The following SPATA22 variants were observed in gnomAD, a reference collection of about 807,000 sequenced individuals.
The protein encoded by SPATA22 is spermatogenesis-associated protein 22.
Under a neutral mutation model 47.8 loss-of-function variants are expected in SPATA22, and 29 were observed. The ratio of observed to expected loss-of-function variants is 0.61; its 90% CI spans 0.45 to 0.83. The LOEUF is 0.83. Ranked by LOEUF, SPATA22 falls within the 40% of genes least tolerant of loss-of-function variation. The pLI is 0.00. For missense variants in SPATA22, 410 were observed against 421.7 expected (o/e 0.97, Z 0.24); for synonymous variants, 133 against 140.9 (o/e 0.94, Z 0.40).
chr17:3,513,709 T>C, exon 1 of SPATA22: 20 of 486,716 alleles, frequency 4.1e-5, no homozygotes. Flanking sequence ...GTTTGCCAAG[T>C]AACAAAATCC....
intron 1 of SPATA22, chr17:3,510,704 C>G (rs2074100652): frequency 6.6e-6 from 1 of 152,206 alleles, no homozygotes; most frequent in Admixed American, 6.5e-5. Flanking sequence ...TGTTTGGAAC[C>G]AAGATCACAG....
Position 3,446,618 on chromosome 17 carries a change from A to C in SPATA22, c.673-17T>G. On this transcript the variant is annotated splice_polypyrimidine_tract_variant and intron_variant, in intron 6 of 8. Transcript: ENST00000572969. The stretch of plus-strand genomic sequence containing the variant: ...TGAGGTTTCCTTTTGAAAAAATAAG[A>C]AACATAGTATTAGAAAAATATTTGT... 1 of 1,496,258 alleles carries C rather than the reference A, an allele frequency of 6.7e-7. No homozygotes were observed. The highest frequency in any genetic ancestry group is 9.0e-7 in the Non-Finnish European group (1 of 1,108,572). 92.7% of individuals were successfully genotyped at this position (1,496,258 alleles called of 1,614,324 possible). A position where few individuals can be genotyped will look rare whatever the true frequency, so the allele number is the denominator to read the frequency against.
At chr17:3,492,189 C>A (rs2150756545) in intron 1 of SPATA22, among the ~76,000 whole-genome samples, 1 of 152,284 alleles carries the variant, frequency 6.6e-6, no homozygotes, top group South Asian at 2.1e-4. Flanking sequence ...ACAGAAATTT[C>A]TTATTAAAAA....
chr17:3,447,419 C>A (rs774110474), intron 6 of SPATA22, among the ~76,000 whole-genome samples: 3 of 149,184 alleles, frequency 2.0e-5, no homozygotes, highest in Admixed American at 6.8e-5. Context: ...CCTCTTCCCC[C>A]GCTTAACGAA....
At chr17:3,503,202 G>GGAATGAAT (rs536159310) in intron 1 of SPATA22, 2 of 151,570 alleles carry the variant, frequency 1.3e-5, no homozygotes, top group African/African-American at 2.4e-5. Context: ...AACATTATCT[G>GGAATGAAT]GAATGAATGA....
upstream of SPATA22, chr17:3,476,201 T>G: frequency 6.2e-7 from 1 of 1,614,128 alleles, no homozygotes; most frequent in Non-Finnish European, 8.5e-7. Flanking sequence ...TACAAAAGGT[T>G]GCTATCTTTG....
chr17:3,469,101 T>G (rs934974936), intron 2 of SPATA22, among the ~76,000 whole-genome samples, 182 bp downstream of exon 2: 5 of 152,230 alleles, frequency 3.3e-5, no homozygotes, highest in African/African-American at 1.2e-4. Flanking sequence ...TTGATCTTAC[T>G]CCCACCTCTA....
chr17:3,481,736 T>C (rs2073633873), intron 1 of SPATA22: 5 of 1,613,552 alleles, frequency 3.1e-6, no homozygotes, highest in Non-Finnish European at 4.2e-6. Flanking sequence ...TAACATGGGG[T>C]GCACTCTTAT....
chr17:3,464,622 T>C (rs1362814081), intron 3 of SPATA22, among the ~76,000 whole-genome samples: 4 of 126,458 alleles, frequency 3.2e-5, no homozygotes, highest in Admixed American at 8.1e-5. Context: ...GGGAGCACCT[T>C]TGCCCCGCCG....
At chr17:3,506,506 A>G (rs1459668344) in intron 1 of SPATA22, among the ~76,000 whole-genome samples, 2 of 152,252 alleles carry the variant, frequency 1.3e-5, no homozygotes, top group African/African-American at 2.4e-5. Flanking sequence ...TTAGCTACAG[A>G]TAGACTAAAT....
intron 1 of SPATA22, among the ~76,000 whole-genome samples, chr17:3,496,877 T>C (rs181498560): frequency 1.8e-4 from 28 of 152,080 alleles, no homozygotes; most frequent in Admixed American, 1.2e-3. Context: ...CCATCCTGGC[T>C]AACACGGTGA....
intron 1 of SPATA22, among the ~76,000 whole-genome samples, chr17:3,478,195 AT>A (rs1287639100): frequency 2.2e-5 from 3 of 138,302 alleles, no homozygotes; most frequent in South Asian, 2.2e-4. Context: ...AAAAAAAAAA[AT>A]ATATATATAT....
chr17:3,467,786 C>A (rs2073348682), intron 2 of SPATA22, among the ~76,000 whole-genome samples: 1 of 152,106 alleles, frequency 6.6e-6, no homozygotes, highest in African/African-American at 2.4e-5. Context: ...TTAATTCCTC[C>A]CATATGGAAG....
rs1372305577 is a variant in SPATA22, at chr17:3,454,766, G to A, written c.330-5617C>T. Reference sequence around the variant, plus strand: ...ATAGTGCCGCAATAAACATGCGTGTGCATGTGTCTTTATAGCAGCATGATT... The same window carrying A: ...ATAGTGCCGCAATAAACATGCGTGTACATGTGTCTTTATAGCAGCATGATT... On this transcript the variant is annotated intron_variant, in intron 5 of 8. Transcript: ENST00000572969. Among the ~76,000 whole-genome samples the A allele has an allele frequency of 2.6e-5, 4 of 152,222 alleles. No individual in the cohort carries two copies. The East Asian group carries it at 7.7e-4, about 29-fold the overall frequency.
rs2073696726 is a variant in SPATA22, at chr17:3,485,116, T to C, written c.-73-15718A>G. On this transcript the variant is annotated intron_variant, in intron 1 of 8. Transcript: ENST00000541913. This position sits in a 1 kb window ranked among gnomAD's most constrained non-coding sequence, Gnocchi z 4.4. ...TCACTGCAGCCTTGACCTCCTGGGC[T>C]CAGGCAATCCTCCCATCTCAGCCTC... 6.6e-6 allele frequency among the ~76,000 whole-genome samples: 1 copy of C among 152,160 alleles called. No homozygotes were observed.
At chr17:3,476,920 C>G (rs902066004) in intron 1 of SPATA22, among the ~76,000 whole-genome samples, 2 of 152,112 alleles carry the variant, frequency 1.3e-5, no homozygotes, top group African/African-American at 2.4e-5. Flanking sequence ...CTTTGGGAGG[C>G]CGAGGCAGGC....
chr17:3,490,304 G>A lies in SPATA22; in HGVS notation c.-73-20906C>T, dbSNP rs1375459385. Among the ~76,000 whole-genome samples the A allele has an allele frequency of 6.6e-6, 1 of 152,078 alleles. No homozygotes were observed. The highest frequency in any genetic ancestry group is 6.6e-5 in the Admixed American group (1 of 15,266). ...ACAAGGTGGGTATATGCAGCTCTATGCACTATCTGCTCATTTATTTGGTAA... is the reference window on the plus strand; with the variant it reads ...ACAAGGTGGGTATATGCAGCTCTATACACTATCTGCTCATTTATTTGGTAA... On this transcript the variant is annotated intron_variant, in intron 1 of 8. Transcript: ENST00000541913. This position sits in a 1 kb window ranked among gnomAD's most constrained non-coding sequence, Gnocchi z 4.6.
At chr17:3,457,489 T>G (rs1357381414) in intron 5 of SPATA22, among the ~76,000 whole-genome samples, 1 of 148,334 alleles carries the variant, frequency 6.7e-6, no homozygotes, top group East Asian at 2.1e-4. Context: ...AATCCTAAAA[T>G]TCATATGGAA....
chr17:3,475,580 G>C (rs953180524), upstream of SPATA22: 2 of 153,444 alleles, frequency 1.3e-5, no homozygotes, highest in Admixed American at 6.4e-5. Context: ...AAGAATGGGC[G>C]CCGGTTCAAG....
Sources: allele counts gnomAD v4.1 joint callset (sites outside exome capture counted in the v4.1 genomes callset), GRCh38; gene constraint gnomAD v4.1.1; non-coding constraint Gnocchi (gnomAD v3.1); transcripts MANE v1.5; gene names NCBI Gene and HGNC (gene_info 2026-07-23, HGNC 2026-07-21).